Variants in STPG2 observed in about 807,000 individuals in gnomAD.
STPG2 encodes the protein sperm tail PG-rich repeat containing 2, also known as sperm-tail PG-rich repeat-containing protein 2.
STPG2 carries 56 observed loss-of-function variants against 54.2 expected under a neutral mutation model. The ratio of observed to expected loss-of-function variants is 1.03; its 90% confidence interval spans 0.83 to 1.29. STPG2 has a LOEUF of 1.29. STPG2 is among the 50% of genes most tolerant of loss of function. The probability of loss-of-function intolerance (pLI) is 0.00; values close to 1 mark genes in which losing one functional copy is unlikely to be tolerated. For missense variants in STPG2, 596 were observed against 544.9 expected, an observed-to-expected ratio of 1.09 and a Z score of -0.93; for synonymous variants, 200 against 181.8, an observed-to-expected ratio of 1.10 and a Z score of -0.81.
At chr4:97,781,883 C>T (rs1326026048) in intron 9 of STPG2, among the ~76,000 whole-genome samples, 2 of 151,524 alleles carry the variant, frequency 1.3e-5, no homozygotes, top group African/African-American at 4.9e-5. Flanking sequence ...AATTCAACAG[C>T]CCTTCATGCT....
At chr4:97,903,787 G>A (rs546113599) in intron 8 of STPG2, among the ~76,000 whole-genome samples, 1 of 152,348 alleles carries the variant, frequency 6.6e-6, no homozygotes, top group African/African-American at 2.4e-5. Flanking sequence ...CCTCACTCGG[G>A]AAGCGCAAGG....
intron 3 of STPG2, among the ~76,000 whole-genome samples, chr4:98,127,119 TGTAATGAAG>T (rs2110161073): frequency 6.6e-6 from 1 of 152,084 alleles, no homozygotes; most frequent in Admixed American, 6.5e-5. Context: ...TATATGAATA[TGTAATGAAG>T]GTTTAATGTT....
At chr4:97,890,494 A>G (rs1466938458) in intron 8 of STPG2, among the ~76,000 whole-genome samples, 2 of 151,898 alleles carry the variant, frequency 1.3e-5, no homozygotes, top group African/African-American at 2.4e-5. Flanking sequence ...AAAAATCCAA[A>G]TAGAAATGAT....
intron 10 of STPG2, among the ~76,000 whole-genome samples, chr4:97,711,772 C>A (rs1021478323): frequency 2.7e-5 from 4 of 150,574 alleles, no homozygotes; most frequent in African/African-American, 9.8e-5. Flanking sequence ...CAGATCCAAG[C>A]GATTCTCCTG....
chr4:97,823,770 T>C (rs962060216), intron 9 of STPG2, among the ~76,000 whole-genome samples: 3 of 151,994 alleles, frequency 2.0e-5, no homozygotes, highest in Non-Finnish European at 2.9e-5. Flanking sequence ...TCCGGGTAAG[T>C]GGGATGAATT....
At chr4:97,794,208 T>C (rs567261583) in intron 9 of STPG2, among the ~76,000 whole-genome samples, 2 of 152,136 alleles carry the variant, frequency 1.3e-5, no homozygotes, top group Non-Finnish European at 2.9e-5. Context: ...ACTTTTAAAA[T>C]ATATTTTCAA....
intron 2 of STPG2, among the ~76,000 whole-genome samples, chr4:98,129,751 A>G (rs1012974463): frequency 1.3e-5 from 2 of 152,234 alleles, no homozygotes; most frequent in Non-Finnish European, 2.9e-5. Context: ...ATTATTAAGA[A>G]TATATTGATT....
chr4:98,118,893 T>C (rs993285926), intron 3 of STPG2, among the ~76,000 whole-genome samples: 3 of 152,148 alleles, frequency 2.0e-5, no homozygotes, highest in African/African-American at 7.2e-5. Flanking sequence ...AAATAAATTA[T>C]AGCACTTTGA....
At chr4:98,106,784 A>G (rs1739200282) in intron 4 of STPG2, among the ~76,000 whole-genome samples, 1 of 152,192 alleles carries the variant, frequency 6.6e-6, no homozygotes, top group African/African-American at 2.4e-5. Context: ...TTAATGCCAT[A>G]CATGGCTCAT....
chr4:97,739,164 A>G lies in STPG2; in HGVS notation c.1205-26350T>C, dbSNP rs569892507. Reference sequence around the variant, plus strand: ...GAAATCAAGATGTTCTTTGAAACCAACGAGAACAAAGACACAACATACCAG... The same window carrying G: ...GAAATCAAGATGTTCTTTGAAACCAGCGAGAACAAAGACACAACATACCAG... On this transcript the variant is annotated intron_variant, in intron 9 of 10. Transcript: ENST00000295268. Among the ~76,000 whole-genome samples, 89 of 152,300 alleles carry G rather than the reference A, an allele frequency of 5.8e-4. No homozygotes were observed. The East Asian group carries it at 6.9e-3, about 12-fold the overall frequency.
At chr4:97,741,440 G>A (rs1725230523) in intron 9 of STPG2, among the ~76,000 whole-genome samples, 2 of 151,706 alleles carry the variant, frequency 1.3e-5, no homozygotes, top group South Asian at 4.2e-4. Context: ...TACAAAATGG[G>A]AGAAAATTTT....
At chr4:97,727,297 T>C (rs1359803936) in intron 9 of STPG2, among the ~76,000 whole-genome samples, 2 of 151,922 alleles carry the variant, frequency 1.3e-5, no homozygotes, top group Non-Finnish European at 2.9e-5. Flanking sequence ...TTTATTTTCC[T>C]TAATAAAACC....
chr4:97,851,120 G>A (rs1050853310), intron 8 of STPG2, among the ~76,000 whole-genome samples: 2 of 152,110 alleles, frequency 1.3e-5, no homozygotes, highest in African/African-American at 4.8e-5. Context: ...CAGCTCTTAA[G>A]TTTGTAGCAG....
rs189802904 is a variant in STPG2, at chr4:97,540,659, C to T, written c.462+172040G>A. Among the ~76,000 whole-genome samples, 177 of 152,140 alleles carry T rather than the reference C, an allele frequency of 1.2e-3. 3 individuals carry two copies. The highest frequency in any genetic ancestry group is 4.0e-3 in the Admixed American group (61 of 15,286). The stretch of plus-strand genomic sequence containing the variant: ...TCCTGATACCAAAGCCTGGCAGAGA[C>T]ACAACAAAAACAGAGAATTTTAGAC... On this transcript the variant is annotated intron_variant, in intron 4 of 4. Coordinates refer to the STPG2 transcript ENST00000522676.
intron 9 of STPG2, among the ~76,000 whole-genome samples, chr4:97,810,247 C>T (rs1268262062): frequency 1.3e-5 from 2 of 151,972 alleles, no homozygotes; most frequent in Non-Finnish European, 2.9e-5. Context: ...AGGTGGATCA[C>T]GAGGTCAAGA....
At chr4:98,017,763 G>A (rs974071913) in intron 5 of STPG2, among the ~76,000 whole-genome samples, 9 of 152,178 alleles carry the variant, frequency 5.9e-5, no homozygotes, top group African/African-American at 9.7e-5. Context: ...AGGACCTGGT[G>A]GGAGGAGACT....
chr4:97,600,780 C>G (rs186973133), intron 10 of STPG2, among the ~76,000 whole-genome samples: 6 of 152,120 alleles, frequency 3.9e-5, no homozygotes, highest in Admixed American at 3.9e-4. Flanking sequence ...CCGTTAAAGC[C>G]TAAAATGAGA....
rs1736039356 is a variant in STPG2 at position 98,018,309 on chromosome 4, T to A, written c.613-36991A>T. ...TGTGATAGTTTGCTGAGAATGATGATTTCCAGTTTCATCCATGTCCCTACA... is the reference window on the plus strand; with the variant it reads ...TGTGATAGTTTGCTGAGAATGATGAATTCCAGTTTCATCCATGTCCCTACA... On this transcript the variant is annotated intron_variant, in intron 5 of 10. Transcript: ENST00000295268. Among the ~76,000 whole-genome samples, 3 of 152,250 alleles carry A rather than the reference T, an allele frequency of 2.0e-5. No homozygotes were observed. In the South Asian group the frequency reaches 6.2e-4, roughly 32 times the overall value.
At chr4:97,905,370 A>T (rs894331072) in intron 8 of STPG2, among the ~76,000 whole-genome samples, 1 of 152,140 alleles carries the variant, frequency 6.6e-6, no homozygotes, top group Non-Finnish European at 1.5e-5. Flanking sequence ...TTCATAAGTG[A>T]AGGAGAAATA....
Sources: gnomAD v4.1 joint callset for allele counts (sites outside exome capture counted in the v4.1 genomes callset) on GRCh38, gnomAD v4.1.1 for gene constraint, MANE v1.5 for transcripts, NCBI Gene and HGNC (gene_info 2026-07-23, HGNC 2026-07-21) for gene names.